Variants in MAPT observed in about 807,000 individuals in gnomAD.
MAPT encodes microtubule associated protein tau.
A neutral mutation model predicts 67.9 loss-of-function variants in MAPT; 34 were observed. The observed-to-expected ratio is 0.50, with a 90% CI of 0.38 to 0.67. MAPT has a LOEUF of 0.67. Ranked by LOEUF, MAPT falls within the 30% of genes least tolerant of loss-of-function variation. The pLI is 0.00. For missense variants in MAPT, 881 were observed against 1,115.2 expected (o/e 0.79, Z 2.99); for synonymous variants, 456 against 464.5 (o/e 0.98, Z 0.23).
At chr17:45,907,673 A>G (rs953655267) in intron 1 of MAPT, 6 of 152,176 alleles carry the variant, frequency 3.9e-5, no homozygotes, top group African/African-American at 1.4e-4. Context: ...TAAAAAACAC[A>G]TTTCCTTTGA....
At chr17:46,013,425 C>T (rs1046763117) in intron 10 of MAPT, among the ~76,000 whole-genome samples, 2 of 152,246 alleles carry the variant, frequency 1.3e-5, no homozygotes, top group African/African-American at 4.8e-5. Context: ...GCTGGCAGCT[C>T]AGGGTCATCA....
chr17:45,980,199 A>G (rs1316015906), intron 4 of MAPT: 1 of 152,256 alleles, frequency 6.6e-6, no homozygotes, highest in African/African-American at 2.4e-5. Context: ...TAGGGAATCA[A>G]TAGAACATTC....
At chr17:45,933,510 G>A (rs192533599) in intron 1 of MAPT, among the ~76,000 whole-genome samples, 10 of 152,284 alleles carry the variant, frequency 6.6e-5, no homozygotes, top group Admixed American at 1.3e-4. Context: ...AAAGTGTTGG[G>A]ATTACAGGCG....
At chr17:46,023,061 C>G (rs2076628052) in intron 12 of MAPT, among the ~76,000 whole-genome samples, 1 of 152,192 alleles carries the variant, frequency 6.6e-6, no homozygotes, top group African/African-American at 2.4e-5. Context: ...CACTGGCAAA[C>G]AGGAGGAATG....
At chr17:45,941,696 T>C (rs143320571) in intron 1 of MAPT, among the ~76,000 whole-genome samples, 665 of 9,452 alleles carry the variant, frequency 0.07, 40 homozygotes, top group East Asian at 0.33. Flanking sequence ...CCTTCCTTCC[T>C]TCCTGCCTGC....
chr17:45,974,785 C>T (rs370508002), intron 3 of MAPT: 2 of 400,190 alleles, frequency 5.0e-6, no homozygotes, highest in East Asian at 5.3e-5. Context: ...GGTGGCAGAC[C>T]CGTGCCTTCT....
intron 10 of MAPT, among the ~76,000 whole-genome samples, chr17:46,012,526 T>G (rs1208685680): frequency 6.6e-6 from 1 of 152,106 alleles, no homozygotes; most frequent in Non-Finnish European, 1.5e-5. Flanking sequence ...CTGGGGGCAC[T>G]GGATCCCTGG....
chr17:45,940,452 T>C (rs1408740737), intron 1 of MAPT, among the ~76,000 whole-genome samples: 1 of 152,208 alleles, frequency 6.6e-6, no homozygotes. Flanking sequence ...AGTGAGGATG[T>C]GTTGAATTAT....
chr17:46,018,018 ACCTGTAGTC>A, intron 11 of MAPT, among the ~76,000 whole-genome samples: 1 of 151,526 alleles, frequency 6.6e-6, no homozygotes, highest in African/African-American at 2.4e-5. Flanking sequence ...GGTGGCAGGC[ACCTGTAGTC>A]CCAGCCACTC....
intron 1 of MAPT, among the ~76,000 whole-genome samples, chr17:45,933,618 G>A (rs78077519): frequency 0.14 from 21,822 of 152,066 alleles, 2,141 homozygotes; most frequent in Middle Eastern, 0.22. Flanking sequence ...CTGGCCCCCC[G>A]CATTGTGTTC....
intron 1 of MAPT, among the ~76,000 whole-genome samples, chr17:45,947,968 G>A (rs2068672705): frequency 6.6e-6 from 1 of 152,004 alleles, no homozygotes; most frequent in African/African-American, 2.4e-5. Flanking sequence ...GCTAACCATA[G>A]TTAACCATTT....
intron 1 of MAPT, among the ~76,000 whole-genome samples, chr17:45,961,433 C>G (rs940967366): frequency 6.6e-6 from 1 of 152,152 alleles, no homozygotes; most frequent in Non-Finnish European, 1.5e-5. Context: ...ACGTGGGGGA[C>G]CTGGTGGGTG....
At chr17:46,021,600 C>T (rs1372012695) in intron 12 of MAPT, among the ~76,000 whole-genome samples, 2 of 152,156 alleles carry the variant, frequency 1.3e-5, no homozygotes, top group African/African-American at 2.4e-5. Flanking sequence ...AGTCAAGATC[C>T]GCAAATCCTC....
intron 1 of MAPT, among the ~76,000 whole-genome samples, chr17:45,959,906 T>C (rs1455137790): frequency 2.0e-5 from 3 of 152,342 alleles, no homozygotes; most frequent in African/African-American, 7.2e-5. Flanking sequence ...ATATGGTACA[T>C]ATGTGGAAAG....
At chr17:45,916,342 C>T (rs960161981) in intron 1 of MAPT, among the ~76,000 whole-genome samples, 2 of 152,220 alleles carry the variant, frequency 1.3e-5, no homozygotes, top group African/African-American at 2.4e-5. Context: ...GTTTTCCTGA[C>T]GTGGAGCCCG....
intron 1 of MAPT, among the ~76,000 whole-genome samples, chr17:45,951,170 CAG>C (rs1325664257): frequency 1.3e-5 from 2 of 152,124 alleles, no homozygotes; most frequent in African/African-American, 4.8e-5. Flanking sequence ...TCCATGGTGA[CAG>C]AAAGTAGATG....
intron 1 of MAPT, chr17:45,910,686 A>C (rs2064719292): frequency 6.6e-6 from 1 of 150,638 alleles, no homozygotes; most frequent in Non-Finnish European, 1.5e-5. Context: ...AAAAAAAAAA[A>C]CTAAGATGTA....
intron 1 of MAPT, among the ~76,000 whole-genome samples, chr17:45,920,102 G>A (rs1478213202): frequency 6.6e-6 from 1 of 152,198 alleles, no homozygotes; most frequent in Non-Finnish European, 1.5e-5. Context: ...CAGGAGCCAG[G>A]GTGCTCTTCC....
chr17:46,012,360 C>T (rs371201327), intron 10 of MAPT, among the ~76,000 whole-genome samples: 4 of 152,146 alleles, frequency 2.6e-5, no homozygotes, highest in Admixed American at 1.3e-4. Context: ...GCGCTGTGCT[C>T]GTCTGCGGGC....
Sources: allele counts gnomAD v4.1 joint callset (sites outside exome capture counted in the v4.1 genomes callset), GRCh38; gene constraint gnomAD v4.1.1; transcripts MANE v1.5; gene names NCBI Gene and HGNC (gene_info 2026-07-23, HGNC 2026-07-21).